Variants in RAP1GDS1 observed in about 807,000 individuals in gnomAD.
RAP1GDS1 encodes Rap1 GTPase-GDP dissociation stimulator 1, also known as RAP1, GTP-GDP dissociation stimulator 1.
RAP1GDS1 carries 35 observed loss-of-function variants against 71.1 expected under a neutral mutation model. The ratio of observed to expected loss-of-function variants is 0.49; its 90% CI spans 0.38 to 0.65. The LOEUF is 0.65. Among genes scored for constraint, RAP1GDS1 ranks in the 30% least tolerant of loss-of-function variants. RAP1GDS1 has a pLI of 0.00. For missense variants in RAP1GDS1, 663 were observed against 706.1 expected (o/e 0.94, Z 0.69); for synonymous variants, 229 against 243.1 (o/e 0.94, Z 0.54).
intron 2 of RAP1GDS1, among the ~76,000 whole-genome samples, chr4:98,309,432 A>T (rs894587893): frequency 1.4e-4 from 22 of 151,974 alleles, no homozygotes; most frequent in African/African-American, 5.3e-4. Flanking sequence ...TCATTTATGT[A>T]CTGTAATTTT....
chr4:98,434,056 G>A lies in RAP1GDS1; in HGVS notation c.1561G>A (p.Glu521Lys). ...TGCTTTGGCATTAATAGCAGCTTTA[G>A]AATTGGGTAAGTACCCCAGTGACAA... is the stretch of plus-strand genomic sequence containing the variant. ...LVALALIAAL[E>K]LGTAEKDLES... Residue 521 changes from glutamate (E) to lysine (K), a missense_variant, in exon 13 of 15, where the codon GAA becomes AAA. Glu to Lys is a moderately conservative substitution (Grantham distance 56, BLOSUM62 1). Coordinates refer to ENST00000408927, the MANE Select transcript of RAP1GDS1 (RefSeq NM_001100427.2). 1 of 1,613,588 alleles carries A rather than the reference G, an allele frequency of 6.2e-7. No individual in the cohort carries two copies. Among genetic ancestry groups the A allele is most frequent in the Admixed American group, 1.7e-5 (1 of 60,014 alleles).
chr4:98,417,578 C>A, intron 9 of RAP1GDS1, 80 bp downstream of exon 9: 1 of 1,423,020 alleles, frequency 7.0e-7, no homozygotes, highest in Admixed American at 2.0e-5. Flanking sequence ...TATACTAAAA[C>A]TGGAACAGTT....
At chr4:98,280,910 A>G (rs1724983280) in intron 1 of RAP1GDS1, among the ~76,000 whole-genome samples, 1 of 152,168 alleles carries the variant, frequency 6.6e-6, no homozygotes, top group Admixed American at 6.5e-5. Flanking sequence ...GTCAAAGATC[A>G]GATGGTTGTA....
intron 14 of RAP1GDS1, among the ~76,000 whole-genome samples, chr4:98,440,967 ACAGGCGTGAGCCAC>A (rs1245338209): frequency 6.6e-6 from 1 of 152,226 alleles, no homozygotes. Context: ...TGCTGGGATA[ACAGGCGTGAGCCAC>A]CACGCCTGGC....
At chr4:98,405,802 T>C (rs972260274) in intron 7 of RAP1GDS1, among the ~76,000 whole-genome samples, 1 of 151,786 alleles carries the variant, frequency 6.6e-6, no homozygotes, top group African/African-American at 2.4e-5. Flanking sequence ...GAAAATGATA[T>C]AGATGCAGGG....
At chr4:98,270,579 A>G (rs1452015056) in intron 1 of RAP1GDS1, among the ~76,000 whole-genome samples, 1 of 152,222 alleles carries the variant, frequency 6.6e-6, no homozygotes, top group East Asian at 1.9e-4. Context: ...AGCTTTTGTA[A>G]CTAGAAGCAT....
chr4:98,312,997 A>T (rs1730456711), intron 2 of RAP1GDS1, among the ~76,000 whole-genome samples: 1 of 125,146 alleles, frequency 8.0e-6, no homozygotes. Flanking sequence ...TGAACTTGGG[A>T]GGTGGAACTT....
chr4:98,375,588 G>C (rs1741054993), intron 4 of RAP1GDS1, among the ~76,000 whole-genome samples: 1 of 152,088 alleles, frequency 6.6e-6, no homozygotes, highest in Admixed American at 6.6e-5. Flanking sequence ...AAAGATTTTT[G>C]ATACTTGCTT....
chr4:98,316,542 G>C (rs1730968981), intron 2 of RAP1GDS1, among the ~76,000 whole-genome samples: 1 of 152,082 alleles, frequency 6.6e-6, no homozygotes, highest in Admixed American at 6.5e-5. Flanking sequence ...GAGTTGAAGG[G>C]GAGAGGCAAA....
intron 2 of RAP1GDS1, among the ~76,000 whole-genome samples, chr4:98,322,361 C>T (rs1479833217): frequency 1.6e-3 from 176 of 110,442 alleles, no homozygotes; most frequent in Non-Finnish European, 2.6e-3. Flanking sequence ...GACAGATCAC[C>T]GAGACAGAAA....
At position 98,286,290 on chromosome 4, in the gene RAP1GDS1, G is replaced by A. The variant is rs140955709; in HGVS notation, c.5-7118G>A. ...AAAAAAAAAAAAAAAAATTATTGCC[G>A]TGAGTGCCAGGAGCCAAAGTATTGT... On this transcript the variant is annotated intron_variant, in intron 1 of 14. Transcript: ENST00000408927. Among the ~76,000 whole-genome samples, 27 of 151,282 alleles carry A rather than the reference G, an allele frequency of 1.8e-4. No individual in the cohort carries two copies. In the East Asian group the frequency reaches 3.9e-3, roughly 22 times the overall value.
At chr4:98,273,690 A>G (rs1385048188) in intron 1 of RAP1GDS1, among the ~76,000 whole-genome samples, 1 of 152,176 alleles carries the variant, frequency 6.6e-6, no homozygotes, top group Non-Finnish European at 1.5e-5. Context: ...CCAATTGTAT[A>G]TGATCTTAAT....
intron 1 of RAP1GDS1, 38 bp downstream of exon 1, chr4:98,261,607 T>G: frequency 6.3e-7 from 1 of 1,591,550 alleles, no homozygotes; most frequent in Non-Finnish European, 8.6e-7. Context: ...GCCTGACATT[T>G]TTTTCTTTCT....
chr4:98,404,394 G>A lies in RAP1GDS1; in HGVS notation c.638-83G>A. On this transcript the variant is annotated intron_variant, in intron 6 of 14. Coordinates refer to ENST00000408927, the MANE Select transcript of RAP1GDS1 (RefSeq NM_001100427.2). The stretch of plus-strand genomic sequence containing the variant: ...AGAGTATTTGTATTTATCAGTAATG[G>A]TACAAAATAACTAAGTATTGAAAGT... 3.8e-6 allele frequency: 5 copies of A among 1,301,892 alleles called. No homozygotes were observed. In the South Asian group the frequency reaches 7.5e-5, roughly 20 times the overall value. The allele number at this position is 1,301,892 out of a possible 1,614,324, so 80.6% of individuals were successfully genotyped here.
chr4:98,310,876 A>T (rs1033264032), intron 2 of RAP1GDS1, among the ~76,000 whole-genome samples: 1 of 152,142 alleles, frequency 6.6e-6, no homozygotes. Flanking sequence ...TTACCTTTTT[A>T]AATATTGCTG....
At chr4:98,328,748 T>C (rs1287095255) in intron 2 of RAP1GDS1, among the ~76,000 whole-genome samples, 1 of 152,224 alleles carries the variant, frequency 6.6e-6, no homozygotes, top group East Asian at 1.9e-4. Flanking sequence ...ACTGGTGCGA[T>C]CTGAGCTCAC....
At chr4:98,349,475 T>G (rs2110413885) in intron 3 of RAP1GDS1, among the ~76,000 whole-genome samples, 1 of 152,342 alleles carries the variant, frequency 6.6e-6, no homozygotes, top group East Asian at 1.9e-4. Flanking sequence ...CATATGAACT[T>G]TAAGGTAGTT....
chr4:98,268,550 A>G lies in RAP1GDS1; in HGVS notation c.4+6981A>G, dbSNP rs140106438. 1.2e-4 allele frequency among the ~76,000 whole-genome samples: 18 copies of G among 152,256 alleles called. No individual in the cohort carries two copies. The East Asian group carries it at 3.3e-3, about 28-fold the overall frequency. ...GTTTAAAGATAGCATGGTCTTATAC[A>G]TAGAAAGCCTTAAAGACTCCTTGAA... On this transcript the variant is annotated intron_variant, in intron 1 of 14. Transcript: ENST00000408927.
intron 2 of RAP1GDS1, among the ~76,000 whole-genome samples, chr4:98,302,598 A>T (rs1054243346): frequency 4.6e-5 from 7 of 152,228 alleles, no homozygotes; most frequent in Middle Eastern, 3.2e-3. Context: ...GAAGACCAGA[A>T]TCTGTTTTTT....
Sources: allele counts gnomAD v4.1 joint callset (sites outside exome capture counted in the v4.1 genomes callset), GRCh38; gene constraint gnomAD v4.1.1; transcripts MANE v1.5; gene names NCBI Gene and HGNC (gene_info 2026-07-23, HGNC 2026-07-21).